Variants in FN1 observed in about 807,000 individuals in gnomAD.
FN1 encodes the protein fibronectin 1, also known as fibronectin.
Under a neutral mutation model 297.3 loss-of-function variants are expected in FN1, and 106 were observed. The ratio of observed to expected loss-of-function variants is 0.36; its 90% CI spans 0.30 to 0.42. FN1 has a LOEUF of 0.42. Among genes scored for constraint, FN1 ranks in the 10% least tolerant of loss-of-function variants. The probability of loss-of-function intolerance (pLI) is 1.00; values close to 1 mark genes in which losing one functional copy is unlikely to be tolerated. For missense variants in FN1, 2,690 were observed against 3,124.9 expected, an observed-to-expected ratio of 0.86 and a Z score of 3.32; for synonymous variants, 1,149 against 1,152.6, an observed-to-expected ratio of 1.00 and a Z score of 0.06.
At position 215,361,356 on chromosome 2, in the gene FN1, C is replaced by T. The variant is rs1434979797; in HGVS notation, c.*199G>A. The T allele has an allele frequency of 1.6e-6, 1 of 632,020 alleles. No individual in the cohort carries two copies. The highest frequency in any genetic ancestry group is 1.8e-5 in the African/African-American group (1 of 54,786). The allele number at this position is 632,020 out of a possible 1,614,324, so 39.2% of individuals were successfully genotyped here. On this transcript the variant is annotated 3_prime_UTR_variant, in exon 46 of 46. Coordinates refer to ENST00000354785, the MANE Select transcript of FN1 (RefSeq NM_212482.4). The stretch of plus-strand genomic sequence containing the variant: ...AGCAGAACAGGCAATGTGCAGCCCT[C>T]ATTTATGAGAAAACCCTCAGGAAAC...
At chr2:215,380,644 T>C in intron 33 of FN1, 167 bp downstream of exon 33, 1 of 921,896 alleles carries the variant, frequency 1.1e-6, no homozygotes. Context: ...TCCTTAAATA[T>C]CACCTAAGTT....
chr2:215,368,068 T>G (rs373419360), intron 41 of FN1, 41 bp from the exon 42 acceptor site: 1 of 1,603,106 alleles, frequency 6.2e-7, no homozygotes, highest in Non-Finnish European at 8.5e-7. Flanking sequence ...AGACATCTTA[T>G]TAATCGATTT....
Position 215,382,231 on chromosome 2 carries a change from C to A in FN1, c.5145G>T (p.Leu1715=). Residue 1715 remains leucine (L), a synonymous_variant, in exon 32 of 46, where the codon CTG becomes CTT. Transcript: ENST00000354785. ...AQNPSGESQP[L]VQTAVTNIDR... Reference sequence around the variant, plus strand: ...ACGTACTGGTTACTGCAGTCTGAACCAGAGGCTGACTCTCTCCGCTTGGAT... The same window carrying A: ...ACGTACTGGTTACTGCAGTCTGAACAAGAGGCTGACTCTCTCCGCTTGGAT... 1 of 1,613,202 alleles carries A rather than the reference C, an allele frequency of 6.2e-7. No homozygotes were observed. The highest frequency in any genetic ancestry group is 8.5e-7 in the Non-Finnish European group (1 of 1,179,172).
At chr2:215,366,112 C>G (rs905707350) in intron 42 of FN1, among the ~76,000 whole-genome samples, 1 of 152,042 alleles carries the variant, frequency 6.6e-6, no homozygotes, top group African/African-American at 2.4e-5. Context: ...GCCACCACAC[C>G]TGGCCAATGG....
chr2:215,384,241 C>T lies in FN1; in HGVS notation c.4730-57G>A. The T allele has an allele frequency of 1.1e-5, 17 of 1,523,806 alleles. No individual in the cohort carries two copies. In the South Asian group the frequency reaches 1.9e-4, roughly 17 times the overall value. 94.4% of individuals were successfully genotyped at this position (1,523,806 alleles called of 1,614,324 possible). On this transcript the variant is annotated intron_variant, in intron 29 of 45. Coordinates refer to ENST00000354785, the MANE Select transcript of FN1 (RefSeq NM_212482.4). ...GGGGTTTAGAGCTACTTGGGTATTA[C>T]TGATTAATTGAATTACCACATTTAT...
In FN1 at chr2:215,362,002, C is replaced by T; in HGVS notation, c.7329G>A (p.Gln2443=). Residue 2443 remains glutamine, a synonymous_variant, in exon 45 of 46, where the codon CAG becomes CAA. Coordinates refer to ENST00000354785, the MANE Select transcript of FN1 (RefSeq NM_212482.4). ...TTCTCTGATGGTATCTCTGAGAATA[C>T]TGGTTGTAGGACTGGCCAGTAGTGC... The part of the protein sequence containing the change: ...PEGTTGQSYN[Q]YSQRYHQRTN... 1 of 1,613,920 alleles carries T rather than the reference C, an allele frequency of 6.2e-7. No homozygotes were observed. Among genetic ancestry groups the T allele is most frequent in the Non-Finnish European group, 8.5e-7 (1 of 1,179,936 alleles).
chr2:215,404,329 A>G, intron 20 of FN1, 60 bp downstream of exon 20: 1 of 1,437,542 alleles, frequency 7.0e-7, no homozygotes, highest in Non-Finnish European at 9.7e-7. Flanking sequence ...TTTTGTTTTA[A>G]AGCATGAAGA....
At chr2:215,419,828 G>A (rs532112291) in intron 11 of FN1, among the ~76,000 whole-genome samples, 17 of 152,228 alleles carry the variant, frequency 1.1e-4, no homozygotes, top group Admixed American at 2.6e-4. Context: ...TAGACTTTAC[G>A]AGTATACCTG....
intron 13 of FN1, 140 bp from the exon 14 acceptor site, chr2:215,410,254 A>C: frequency 1.2e-6 from 1 of 804,654 alleles, no homozygotes; most frequent in Non-Finnish European, 2.1e-6. Context: ...AAAATCATGG[A>C]AAACTGGATT....
intron 40 of FN1, 103 bp from the exon 41 acceptor site, chr2:215,370,535 G>C: frequency 9.5e-5 from 53 of 558,252 alleles, no homozygotes; most frequent in Admixed American, 1.2e-4. Flanking sequence ...CAAAGCAAAG[G>C]AAGACAAAAA....
chr2:215,371,834 G>C, intron 40 of FN1, 75 bp downstream of exon 40: 1 of 1,325,416 alleles, frequency 7.5e-7, no homozygotes, highest in Non-Finnish European at 1.1e-6. Flanking sequence ...TTTTATTCGA[G>C]GGCTGGTCAC....
intron 14 of FN1, 32 bp from the exon 15 acceptor site, chr2:215,409,771 T>G: frequency 6.2e-7 from 1 of 1,612,562 alleles, no homozygotes; most frequent in Non-Finnish European, 8.5e-7. Context: ...AAAGTCAGCC[T>G]TCAGTCATCT....
chr2:215,429,014 A>G (rs2065994020), intron 5 of FN1, among the ~76,000 whole-genome samples: 1 of 147,882 alleles, frequency 6.8e-6, no homozygotes, highest in Non-Finnish European at 1.5e-5. Flanking sequence ...GACTGTCTCA[A>G]AAACAAAACA....
chr2:215,397,109 C>T (rs1309440617), intron 23 of FN1, 28 bp downstream of exon 23: 3 of 1,417,760 alleles, frequency 2.1e-6, no homozygotes, highest in Non-Finnish European at 2.0e-6. Flanking sequence ...ATGGTGTATA[C>T]TTGCCCTCTG....
At chr2:215,389,580 G>A (rs2059457066) in intron 26 of FN1, among the ~76,000 whole-genome samples, 1 of 152,194 alleles carries the variant, frequency 6.6e-6, no homozygotes, top group South Asian at 2.1e-4. Context: ...TTGAGGTCAG[G>A]AGTTTGAAAC....
At chr2:215,377,048 G>GTGTGTGTA in intron 35 of FN1, among the ~76,000 whole-genome samples, 2 of 142,820 alleles carry the variant, frequency 1.4e-5, no homozygotes, top group East Asian at 4.3e-4. Context: ...TTTTGTGTGT[G>GTGTGTGTA]TGTGTGTGTA....
In FN1 at chr2:215,376,484, A is replaced by G. The variant is rs1307333285; in HGVS notation, c.5887+14T>C. ...TTTGTTAACAAATGTGGTTAGTGCAATGAGTTCCCTGACCTGTGATGGTGT... is the reference window on the plus strand; with the variant it reads ...TTTGTTAACAAATGTGGTTAGTGCAGTGAGTTCCCTGACCTGTGATGGTGT... On this transcript the variant is annotated intron_variant, in intron 36 of 45. Coordinates refer to ENST00000354785, the MANE Select transcript of FN1 (RefSeq NM_212482.4). 3 of 1,612,856 alleles carry G rather than the reference A, an allele frequency of 1.9e-6. No individual in the cohort carries two copies. The highest frequency in any genetic ancestry group is 1.3e-5 in the African/African-American group (1 of 75,034).
chr2:215,419,144 G>A, intron 12 of FN1, 98 bp downstream of exon 12: 4 of 1,008,354 alleles, frequency 4.0e-6, no homozygotes, highest in Non-Finnish European at 6.3e-6. Context: ...TGGGAAAGAG[G>A]GGAGACCCCC....
Position 215,435,929 on chromosome 2 carries a change from G to A in FN1, c.-127C>T, listed in dbSNP as rs1008630326. On this transcript the variant is annotated 5_prime_UTR_variant, in exon 1 of 46. Coordinates refer to ENST00000354785, the MANE Select transcript of FN1 (RefSeq NM_212482.4). ...GGGGTTGTCGCCTCCAAGAAGGTGG[G>A]GGCCAGAGGGTGGGGAAGGGGACGG... 30 of 1,448,988 alleles carry A rather than the reference G, an allele frequency of 2.1e-5. No individual in the cohort carries two copies. In the African/African-American group the frequency reaches 4.3e-4, roughly 21 times the overall value. 89.8% of individuals were successfully genotyped at this position (1,448,988 alleles called of 1,614,324 possible). A position where few individuals can be genotyped will look rare whatever the true frequency, so the allele number is the denominator to read the frequency against.
Sources: gnomAD v4.1 joint callset for allele counts (sites outside exome capture counted in the v4.1 genomes callset) on GRCh38, gnomAD v4.1.1 for gene constraint, MANE v1.5 for transcripts, NCBI Gene and HGNC (gene_info 2026-07-23, HGNC 2026-07-21) for gene names.